The following CRLF3 variants were observed in gnomAD, a reference collection of about 807,000 sequenced individuals.
CRLF3 encodes the protein cytokine receptor-like factor 3.
A neutral mutation model predicts 55.0 loss-of-function variants in CRLF3; 33 were observed. The ratio of observed to expected loss-of-function variants is 0.60; its 90% CI spans 0.46 to 0.80. The LOEUF (loss-of-function observed/expected upper bound fraction) is 0.80, where lower values mean the gene tolerates loss of function less well. Among genes scored for constraint, CRLF3 ranks in the 30% least tolerant of loss-of-function variants. The pLI is 0.00. For synonymous variants in CRLF3, 238 were observed against 196.8 expected (o/e 1.21, Z -1.75); for missense variants, 494 against 538.4 (o/e 0.92, Z 0.82).
At chr17:30,807,517 C>CTTTTTTTTTTTTTTTT (rs778842582) in intron 1 of CRLF3, among the ~76,000 whole-genome samples, 2 of 62,972 alleles carry the variant, frequency 3.2e-5, no homozygotes, top group African/African-American at 1.4e-4. Flanking sequence ...ATTTTCTTTC[C>CTTTTTTTTTTTTTTTT]TTTTTTTTTT....
intron 2 of CRLF3, among the ~76,000 whole-genome samples, chr17:30,803,356 G>C (rs1320308118): frequency 6.6e-6 from 1 of 151,910 alleles, no homozygotes; most frequent in African/African-American, 2.4e-5. Context: ...CACTTCAACT[G>C]CACTTGCCAT....
rs1467037684 is a variant in CRLF3 at position 30,793,581 on chromosome 17, G to C, written c.695C>G (p.Thr232Ser). 2.5e-6 allele frequency: 4 copies of C among 1,613,980 alleles called. No individual in the cohort carries two copies. Among genetic ancestry groups the C allele is most frequent in the Non-Finnish European group, 2.5e-6 (3 of 1,179,906 alleles). The change falls in exon 5 of 8, where the codon ACT (threonine) becomes AGT (serine). Residue 232 changes from threonine (T) to serine (S), a missense_variant. By Grantham distance (58) the Thr-to-Ser change is moderately conservative (BLOSUM62 1). Coordinates refer to ENST00000324238, the MANE Select transcript of CRLF3 (RefSeq NM_015986.4). Reference sequence around the variant, plus strand: ...GTCTATGTGCAATACTATGAATTCAGTTTCAGAACCTACATATACATCCTC... The same window carrying C: ...GTCTATGTGCAATACTATGAATTCACTTTCAGAACCTACATATACATCCTC... ...HFEDVYVGSETEFIVLHIDPN... is the reference protein window; with the variant it reads ...HFEDVYVGSESEFIVLHIDPN...
At position 30,807,517 on chromosome 17, in the gene CRLF3, CTTTTTTTTTTT is replaced by C. The variant is rs778842582; in HGVS notation, c.130-3420_130-3410del. Among the ~76,000 whole-genome samples the C allele has an allele frequency of 4.8e-3, 304 of 62,958 alleles. 2 individuals are homozygous for C. Among genetic ancestry groups the C allele is most frequent in the East Asian group, 0.014 (36 of 2,620 alleles). 41.3% of individuals were successfully genotyped at this position (62,958 alleles called of 152,430 possible). A position where few individuals can be genotyped will look rare whatever the true frequency, so the allele number is the denominator to read the frequency against. ...CAGACCATAGAAACAATTTTCTTTC[CTTTTTTTTTTT>C]TTTTTTTTTTTTTTTTTTTTTGACA... On this transcript the variant is annotated intron_variant, in intron 1 of 7. Transcript: ENST00000324238.
At chr17:30,788,156 G>C (rs577021260) in intron 6 of CRLF3, among the ~76,000 whole-genome samples, 1 of 150,894 alleles carries the variant, frequency 6.6e-6, no homozygotes, top group Admixed American at 6.6e-5. Context: ...GTGAAACCCC[G>C]TCTCTACTAA....
chr17:30,799,569 G>GC (rs772740222), intron 2 of CRLF3, among the ~76,000 whole-genome samples: 2 of 150,334 alleles, frequency 1.3e-5, no homozygotes, highest in Non-Finnish European at 3.0e-5. Context: ...TGCTCTTGTC[G>GC]CCCAGACTGG....
At chr17:30,814,589 AGAG>A (rs1391718901) in intron 1 of CRLF3, among the ~76,000 whole-genome samples, 1 of 151,686 alleles carries the variant, frequency 6.6e-6, no homozygotes, top group Non-Finnish European at 1.5e-5. Context: ...CCCGGGAGGC[AGAG>A]GTTACGCTGA....
Position 30,792,551 on chromosome 17 carries a change from C to T in CRLF3, c.848G>A (p.Gly283Glu), listed in dbSNP as rs1364873481. 2 of 1,602,600 alleles carry T rather than the reference C, an allele frequency of 1.2e-6. No homozygotes were observed. Reference sequence around the variant, plus strand: ...ATTTCTTCGACTGCTCAGACTGTACCCCTCAAAACCAGCTGTCCACTCTTT... The same window carrying T: ...ATTTCTTCGACTGCTCAGACTGTACTCCTCAAAACCAGCTGTCCACTCTTT... ...VPHEWTAGFE[G>E]YSLSSRRNIA... is the part of the protein sequence containing the mutation. The change falls in exon 6 of 8, where the codon GGG becomes GAG. Residue 283 changes from glycine (G) to glutamate (E), a missense_variant. Transcript: ENST00000324238.
chr17:30,802,371 C>G (rs1302137733), intron 2 of CRLF3, among the ~76,000 whole-genome samples: 1 of 152,020 alleles, frequency 6.6e-6, no homozygotes, highest in Non-Finnish European at 1.5e-5. Context: ...CCGCCCACCT[C>G]CACCTCCCAA....
rs756234085 is a variant in CRLF3, at chr17:30,786,042, A to C, written c.960-11T>G. 10 of 1,402,908 alleles carry C rather than the reference A, an allele frequency of 7.1e-6. No homozygotes were observed. Among genetic ancestry groups the C allele is most frequent in the South Asian group, 2.4e-5 (2 of 84,290 alleles). 86.9% of individuals were successfully genotyped at this position (1,402,908 alleles called of 1,614,324 possible). A position where few individuals can be genotyped will look rare whatever the true frequency, so the allele number is the denominator to read the frequency against. On this transcript the variant is annotated splice_polypyrimidine_tract_variant and intron_variant, in intron 6 of 7. Coordinates refer to ENST00000324238, the MANE Select transcript of CRLF3 (RefSeq NM_015986.4). ...CCCACAGTTTCAACTCTGTAAATGA[A>C]GTAGAAAGGTCATTTCATACTTTTA...
chr17:30,798,937 A>G (rs1428760323), intron 2 of CRLF3, among the ~76,000 whole-genome samples: 1 of 152,184 alleles, frequency 6.6e-6, no homozygotes, highest in Non-Finnish European at 1.5e-5. Flanking sequence ...AAATATTCCT[A>G]AAGTTTCCTT....
intron 7 of CRLF3, 49 bp from the exon 8 acceptor site, chr17:30,784,492 G>C (rs1337862022): frequency 6.7e-7 from 1 of 1,496,988 alleles, no homozygotes; most frequent in Admixed American, 1.8e-5. Flanking sequence ...ATAACTAAGA[G>C]ATCTGAAATA....
intron 6 of CRLF3, among the ~76,000 whole-genome samples, chr17:30,789,889 C>T (rs1022124478): frequency 2.6e-5 from 4 of 151,988 alleles, no homozygotes; most frequent in African/African-American, 4.8e-5. Context: ...AGTCACTAAC[C>T]GAAGTGCTTC....
intron 1 of CRLF3, among the ~76,000 whole-genome samples, chr17:30,807,199 T>C (rs1904434347): frequency 6.6e-6 from 1 of 152,196 alleles, no homozygotes; most frequent in Non-Finnish European, 1.5e-5. Context: ...CTTAGTTTCA[T>C]ATGACATATT....
At chr17:30,804,597 T>C (rs1904333203) in intron 1 of CRLF3, among the ~76,000 whole-genome samples, 1 of 152,180 alleles carries the variant, frequency 6.6e-6, no homozygotes, top group South Asian at 2.1e-4. Flanking sequence ...TTTCTGTATC[T>C]GGCTTATTTC....
intron 6 of CRLF3, chr17:30,790,633 T>TTTC (rs1491456812): frequency 5.6e-5 from 5 of 89,074 alleles, no homozygotes; most frequent in African/African-American, 2.1e-4. Context: ...TTTTTTTTTT[T>TTTC]CCAGACGGAA....
intron 5 of CRLF3, 45 bp downstream of exon 5, chr17:30,793,405 C>G: frequency 1.4e-6 from 2 of 1,467,918 alleles, no homozygotes; most frequent in Non-Finnish European, 1.9e-6. Context: ...TACAGGTATT[C>G]TAATATATAG....
At chr17:30,804,798 C>A (rs1160257100) in intron 1 of CRLF3, among the ~76,000 whole-genome samples, 1 of 152,164 alleles carries the variant, frequency 6.6e-6, no homozygotes, top group Non-Finnish European at 1.5e-5. Context: ...TAAGCCAAAT[C>A]TTGGTTTCAT....
intron 1 of CRLF3, among the ~76,000 whole-genome samples, chr17:30,815,313 T>C (rs1231421019): frequency 6.6e-6 from 1 of 151,616 alleles, no homozygotes; most frequent in African/African-American, 2.4e-5. Context: ...CTCGAACTCC[T>C]GACCTCAGGT....
intron 7 of CRLF3, chr17:30,784,736 G>A (rs113142883): frequency 4.6e-5 from 12 of 262,278 alleles, no homozygotes; most frequent in African/African-American, 1.6e-4. Flanking sequence ...TTGTTCTACC[G>A]AATTCTTGAC....
Sources: gnomAD v4.1 joint callset for allele counts (sites outside exome capture counted in the v4.1 genomes callset) on GRCh38, gnomAD v4.1.1 for gene constraint, MANE v1.5 for transcripts, NCBI Gene and HGNC (gene_info 2026-07-23, HGNC 2026-07-21) for gene names.